The following LRRTM3 variants were observed in gnomAD, a reference collection of about 807,000 sequenced individuals.
LRRTM3 encodes the protein leucine-rich repeat transmembrane neuronal protein 3.
A neutral mutation model predicts 44.7 loss-of-function variants in LRRTM3; 24 were observed. The observed-to-expected ratio is 0.54, with a 90% CI of 0.39 to 0.76. LRRTM3 has a LOEUF of 0.76. Among genes scored for constraint, LRRTM3 ranks in the 30% least tolerant of loss-of-function variants. The pLI is 0.00. For synonymous variants in LRRTM3, 277 were observed against 278.7 expected, an observed-to-expected ratio of 0.99 and a Z score of 0.06; for missense variants, 587 against 702.2, an observed-to-expected ratio of 0.84 and a Z score of 1.85.
chr10:66,977,263 C>G (rs780225776), intron 2 of LRRTM3, among the ~76,000 whole-genome samples: 71 of 151,990 alleles, frequency 4.7e-4, no homozygotes, highest in Admixed American at 1.6e-3. Flanking sequence ...ATGGTGAAAC[C>G]CCGTCTCTAC....
intron 2 of LRRTM3, among the ~76,000 whole-genome samples, chr10:66,936,683 T>C (rs1174046079): frequency 1.3e-5 from 2 of 152,142 alleles, no homozygotes; most frequent in Non-Finnish European, 2.9e-5. Context: ...CTGAGATGTC[T>C]GCCTTGTGTC....
chr10:67,004,401 C>T (rs1324495984), intron 2 of LRRTM3, among the ~76,000 whole-genome samples: 1 of 152,194 alleles, frequency 6.6e-6, no homozygotes, highest in Admixed American at 6.6e-5. Flanking sequence ...ATGTATCTTG[C>T]TTCCCTGTTA....
intron 2 of LRRTM3, among the ~76,000 whole-genome samples, chr10:67,000,340 A>G (rs1317245248): frequency 6.6e-6 from 1 of 152,196 alleles, no homozygotes; most frequent in Non-Finnish European, 1.5e-5. Flanking sequence ...TGCTGACCCA[A>G]TAGACAAGAC....
At chr10:67,055,998 C>T (rs1211508467) in intron 2 of LRRTM3, among the ~76,000 whole-genome samples, 1 of 152,016 alleles carries the variant, frequency 6.6e-6, no homozygotes, top group East Asian at 1.9e-4. Context: ...TGCCTCACCT[C>T]TTATGTTCTT....
At chr10:66,940,155 A>G (rs748923514) in intron 2 of LRRTM3, among the ~76,000 whole-genome samples, 7 of 152,260 alleles carry the variant, frequency 4.6e-5, no homozygotes, top group Non-Finnish European at 7.3e-5. Context: ...GTTTGAAAAG[A>G]TGGAAAACGT....
At chr10:66,988,497 T>G (rs1850857881) in intron 2 of LRRTM3, among the ~76,000 whole-genome samples, 1 of 152,172 alleles carries the variant, frequency 6.6e-6, no homozygotes, top group Admixed American at 6.5e-5. Context: ...CTCCAACTTC[T>G]GTGTATTGTG....
intron 2 of LRRTM3, among the ~76,000 whole-genome samples, chr10:66,995,807 A>T (rs555528978): frequency 6.6e-6 from 1 of 152,172 alleles, no homozygotes; most frequent in East Asian, 1.9e-4. Flanking sequence ...GGTCTAATAC[A>T]AGCATTACTG....
At chr10:66,970,024 T>C (rs1849631050) in intron 2 of LRRTM3, among the ~76,000 whole-genome samples, 1 of 152,130 alleles carries the variant, frequency 6.6e-6, no homozygotes, top group East Asian at 1.9e-4. Flanking sequence ...AGAATTGACT[T>C]GGAGTCAAGG....
intron 2 of LRRTM3, among the ~76,000 whole-genome samples, chr10:66,987,737 A>C (rs1850814016): frequency 1.3e-5 from 2 of 152,232 alleles, no homozygotes; most frequent in Admixed American, 1.3e-4. Flanking sequence ...CTGGCAAAAT[A>C]AAAATTATGA....
chr10:66,960,103 A>C (rs973009887), intron 2 of LRRTM3, among the ~76,000 whole-genome samples: 1 of 152,000 alleles, frequency 6.6e-6, no homozygotes, highest in Non-Finnish European at 1.5e-5. Context: ...AGACTCCCTA[A>C]AAATATTTCT....
Position 66,983,045 on chromosome 10 carries a change from C to T in LRRTM3, c.1536+54593C>T, listed in dbSNP as rs76518968. On this transcript the variant is annotated intron_variant, in intron 2 of 2. Coordinates refer to ENST00000361320, the MANE Select transcript of LRRTM3 (RefSeq NM_178011.5). ...GGCAGGTTGCTGAGAGCAGCGACTG[C>T]CGAACTTCCTGGTCAAGCAGGGGTT... Among the ~76,000 whole-genome samples, 575 of 152,304 alleles carry T rather than the reference C, an allele frequency of 3.8e-3. 29 individuals carry two copies. In the East Asian group the frequency reaches 0.091, roughly 24 times the overall value.
At chr10:67,073,944 G>C (rs1206242625) in intron 2 of LRRTM3, among the ~76,000 whole-genome samples, 1 of 151,086 alleles carries the variant, frequency 6.6e-6, no homozygotes, top group African/African-American at 2.4e-5. Flanking sequence ...TAATAGCAGA[G>C]TTTCTAGGTT....
At chr10:67,046,704 G>A (rs1286517309) in intron 2 of LRRTM3, among the ~76,000 whole-genome samples, 1 of 152,160 alleles carries the variant, frequency 6.6e-6, no homozygotes, top group African/African-American at 2.4e-5. Context: ...GAAGATAAAT[G>A]TATTGACTCA....
At chr10:67,030,012 T>G (rs1564842217) in intron 2 of LRRTM3, among the ~76,000 whole-genome samples, 1 of 152,250 alleles carries the variant, frequency 6.6e-6, no homozygotes, top group South Asian at 2.1e-4. Flanking sequence ...GTGCCCTGTA[T>G]TTCAAACACT....
At chr10:67,016,660 A>T (rs1009209178) in intron 2 of LRRTM3, among the ~76,000 whole-genome samples, 1 of 152,178 alleles carries the variant, frequency 6.6e-6, no homozygotes, top group African/African-American at 2.4e-5. Context: ...TTTTGGGGGA[A>T]AGGCACCTAT....
At chr10:66,979,113 C>T (rs1850260633) in intron 2 of LRRTM3, among the ~76,000 whole-genome samples, 1 of 151,700 alleles carries the variant, frequency 6.6e-6, no homozygotes, top group African/African-American at 2.4e-5. Context: ...TACAGGCACC[C>T]ACCACCACAC....
intron 2 of LRRTM3, among the ~76,000 whole-genome samples, chr10:67,088,589 C>A (rs533048587): frequency 6.6e-6 from 1 of 152,056 alleles, no homozygotes; most frequent in Admixed American, 6.6e-5. Context: ...TACCAAAATT[C>A]AGAATGTTTT....
chr10:66,927,156 A>C lies in LRRTM3; in HGVS notation c.240A>C (p.Gln80His). 1 of 1,614,162 alleles carries C rather than the reference A, an allele frequency of 6.2e-7. No homozygotes were observed. The highest frequency in any genetic ancestry group is 2.2e-5 in the East Asian group (1 of 44,882). ...YNSLQKLKYN[Q>H]FKGLNQLTWL... ...GCCTTCAAAAACTTAAGTATAATCA[A>C]TTTAAAGGGCTCAACCAGCTCACCT... is the stretch of plus-strand genomic sequence containing the variant. Residue 80 changes from glutamine (Q) to histidine (H), a missense_variant, in exon 2 of 3, where the codon CAA becomes CAC. Around this residue, in one of 3 missense-constraint regions of LRRTM3, gnomAD observed 222 missense variants for 323.3 expected, o/e 0.69. Transcript: ENST00000361320. The surrounding 1 kb of genome is among the most constrained non-coding windows in gnomAD (Gnocchi z 4.7).
At chr10:66,983,179 G>A (rs762318326) in intron 2 of LRRTM3, among the ~76,000 whole-genome samples, 2 of 152,160 alleles carry the variant, frequency 1.3e-5, no homozygotes, top group Non-Finnish European at 2.9e-5. Flanking sequence ...AAACACTGCA[G>A]TGTCTACAGC....
Sources: allele counts gnomAD v4.1 joint callset (sites outside exome capture counted in the v4.1 genomes callset), GRCh38; gene constraint gnomAD v4.1.1; regional missense constraint gnomAD v4.1.1; non-coding constraint Gnocchi (gnomAD v3.1); transcripts MANE v1.5; gene names NCBI Gene and HGNC (gene_info 2026-07-23, HGNC 2026-07-21).